RNF13: variants seen among roughly 807,000 people sequenced by gnomAD.
RNF13 encodes the protein ring finger protein 13.
RNF13 carries 19 observed loss-of-function variants against 37.7 expected under a neutral mutation model. The observed-to-expected ratio is 0.50, with a 90% CI of 0.35 to 0.74. RNF13 has a LOEUF of 0.74. Among genes scored for constraint, RNF13 ranks in the 30% least tolerant of loss-of-function variants. The probability of loss-of-function intolerance (pLI) is 0.01; values close to 1 mark genes in which losing one functional copy is unlikely to be tolerated. For synonymous variants in RNF13, 144 were observed against 157.8 expected (o/e 0.91, Z 0.65); for missense variants, 375 against 453.0 (o/e 0.83, Z 1.56).
At chr3:149,873,455 A>G (rs992008517) in intron 4 of RNF13, among the ~76,000 whole-genome samples, 17 of 152,160 alleles carry the variant, frequency 1.1e-4, no homozygotes, top group African/African-American at 4.1e-4. Flanking sequence ...GTGGATCCTC[A>G]TCATGAGTCT....
chr3:149,951,906 C>A (rs900398252), intron 8 of RNF13, among the ~76,000 whole-genome samples: 1 of 152,148 alleles, frequency 6.6e-6, no homozygotes, highest in African/African-American at 2.4e-5. Context: ...GGCTGCAATT[C>A]AACCTCCTGA....
intron 4 of RNF13, among the ~76,000 whole-genome samples, chr3:149,886,398 TC>T (rs1383079426): frequency 6.6e-6 from 1 of 152,150 alleles, no homozygotes; most frequent in East Asian, 1.9e-4. Context: ...TTTGGATTGT[TC>T]ATTGCTAGTG....
At chr3:149,886,234 A>C (rs1714017487) in intron 4 of RNF13, among the ~76,000 whole-genome samples, 1 of 152,120 alleles carries the variant, frequency 6.6e-6, no homozygotes, top group African/African-American at 2.4e-5. Context: ...GTTTCATATA[A>C]ATTTTACAAT....
At chr3:149,919,897 C>T (rs750660154) in intron 7 of RNF13, among the ~76,000 whole-genome samples, 31 of 152,304 alleles carry the variant, frequency 2.0e-4, no homozygotes, top group Middle Eastern at 3.4e-3. Flanking sequence ...CACTTCCGTG[C>T]CAACGCTTGG....
chr3:149,878,436 A>G (rs1016345568), intron 4 of RNF13, among the ~76,000 whole-genome samples: 2 of 152,224 alleles, frequency 1.3e-5, no homozygotes, highest in African/African-American at 4.8e-5. Flanking sequence ...CATGGCCTGC[A>G]GTAGTCCTAA....
At chr3:149,827,269 T>C (rs1218222294) in intron 1 of RNF13, among the ~76,000 whole-genome samples, 1 of 152,178 alleles carries the variant, frequency 6.6e-6, no homozygotes, top group Non-Finnish European at 1.5e-5. Flanking sequence ...ATTTAAAGTA[T>C]ATAGAAGGAG....
chr3:149,817,414 G>T (rs752506722), intron 1 of RNF13: 14 of 152,172 alleles, frequency 9.2e-5, no homozygotes, highest in Admixed American at 8.5e-4. Flanking sequence ...GATTCTCACC[G>T]TAAGAATTTT....
intron 6 of RNF13, among the ~76,000 whole-genome samples, chr3:149,910,666 C>T (rs1041585021): frequency 2.0e-5 from 3 of 152,110 alleles, no homozygotes; most frequent in Admixed American, 2.0e-4. Flanking sequence ...TTGAACCTTT[C>T]GGTTATGAAA....
intron 3 of RNF13, among the ~76,000 whole-genome samples, chr3:149,860,953 A>G (rs1223902975): frequency 6.6e-6 from 1 of 152,158 alleles, no homozygotes; most frequent in Admixed American, 6.5e-5. Flanking sequence ...CAAATGATCT[A>G]AACAGATATT....
At chr3:149,835,458 G>A (rs1445725249) in intron 1 of RNF13, among the ~76,000 whole-genome samples, 1 of 151,880 alleles carries the variant, frequency 6.6e-6, no homozygotes, top group Non-Finnish European at 1.5e-5. Flanking sequence ...AAAGTCCATT[G>A]TATCATTCTT....
At chr3:149,852,449 TAA>T (rs1723201769) in intron 2 of RNF13, 65 bp from the exon 3 acceptor site, 5 of 627,560 alleles carry the variant, frequency 8.0e-6, no homozygotes, top group South Asian at 2.6e-5. Flanking sequence ...CATAATTAAA[TAA>T]GTCTTTGTTT....
intron 5 of RNF13, among the ~76,000 whole-genome samples, chr3:149,896,720 C>T (rs1715312127): frequency 6.6e-6 from 1 of 152,094 alleles, no homozygotes; most frequent in African/African-American, 2.4e-5. Flanking sequence ...CTCAGGTGAT[C>T]CGCCCACCTC....
chr3:149,839,038 A>G, intron 1 of RNF13, among the ~76,000 whole-genome samples: 1 of 29,540 alleles, frequency 3.4e-5, no homozygotes, highest in South Asian at 1.0e-3. Context: ...ATCTCTCTCA[A>G]GTTAAAAGTT....
chr3:149,864,884 A>G (rs939691347), intron 3 of RNF13, among the ~76,000 whole-genome samples: 3 of 152,204 alleles, frequency 2.0e-5, no homozygotes, highest in South Asian at 2.1e-4. Context: ...TCTGGACACT[A>G]TGATTTGTTG....
intron 6 of RNF13, among the ~76,000 whole-genome samples, chr3:149,911,062 A>G (rs1237365813): frequency 6.6e-6 from 1 of 152,196 alleles, no homozygotes; most frequent in Non-Finnish European, 1.5e-5. Context: ...GTGGTGGAGA[A>G]GGTGGGGGAT....
intron 3 of RNF13, among the ~76,000 whole-genome samples, chr3:149,858,062 G>A (rs1438255158): frequency 6.6e-6 from 1 of 152,118 alleles, no homozygotes; most frequent in Non-Finnish European, 1.5e-5. Context: ...ATAAAGCCAG[G>A]ACACCGCTTA....
chr3:149,913,474 A>G (rs1001361513), intron 7 of RNF13, among the ~76,000 whole-genome samples: 1 of 152,184 alleles, frequency 6.6e-6, no homozygotes, highest in Non-Finnish European at 1.5e-5. Flanking sequence ...CAAAACTAAG[A>G]AACTGACATT....
intron 1 of RNF13, among the ~76,000 whole-genome samples, chr3:149,828,579 A>T (rs533770545): frequency 6.6e-6 from 1 of 152,164 alleles, no homozygotes; most frequent in Non-Finnish European, 1.5e-5. Context: ...TGTGTGGCTT[A>T]TTGCTAGGGT....
intron 3 of RNF13, among the ~76,000 whole-genome samples, chr3:149,865,945 G>A (rs1724769707): frequency 6.6e-6 from 1 of 151,940 alleles, no homozygotes; most frequent in Admixed American, 6.6e-5. Flanking sequence ...TAAAAAAATG[G>A]CTACCCCGTA....
Sources: allele counts gnomAD v4.1 joint callset (sites outside exome capture counted in the v4.1 genomes callset), GRCh38; gene constraint gnomAD v4.1.1; transcripts MANE v1.5; gene names NCBI Gene and HGNC (gene_info 2026-07-23, HGNC 2026-07-21).